The following ATF6 variants were observed in gnomAD, a reference collection of about 807,000 sequenced individuals.
ATF6 encodes the protein cyclic AMP-dependent transcription factor ATF-6 alpha.
In ATF6, 53 loss-of-function variants were observed where a neutral mutation model predicts 83.6. The observed-to-expected ratio is 0.63, with a 90% CI of 0.51 to 0.80. The LOEUF (loss-of-function observed/expected upper bound fraction) is 0.80. Among genes scored for constraint, ATF6 ranks in the 30% least tolerant of loss-of-function variants. ATF6 has a pLI of 0.00. For missense variants in ATF6, 744 were observed against 797.9 expected (o/e 0.93, Z 0.81); for synonymous variants, 288 against 285.8 (o/e 1.01, Z -0.08).
At chr1:161,815,274 C>T (rs1279085532) in intron 7 of ATF6, among the ~76,000 whole-genome samples, 1 of 149,330 alleles carries the variant, frequency 6.7e-6, no homozygotes, top group Non-Finnish European at 1.5e-5. Context: ...TCACTGCAGC[C>T]TCAACCTCCT....
chr1:161,930,236 C>T (rs1299817955), intron 15 of ATF6, among the ~76,000 whole-genome samples: 2 of 152,208 alleles, frequency 1.3e-5, no homozygotes, highest in Non-Finnish European at 2.9e-5. Context: ...ATCTCCACCT[C>T]CCACTTAGTT....
chr1:161,859,267 C>T (rs1318053057), intron 12 of ATF6, among the ~76,000 whole-genome samples: 3 of 152,164 alleles, frequency 2.0e-5, no homozygotes, highest in African/African-American at 7.2e-5. Flanking sequence ...CATATTGGTT[C>T]CATCCACCAA....
At chr1:161,807,278 A>G (rs1685310889) in intron 7 of ATF6, among the ~76,000 whole-genome samples, 1 of 152,214 alleles carries the variant, frequency 6.6e-6, no homozygotes, top group Non-Finnish European at 1.5e-5. Context: ...CCTATGTTCT[A>G]TTTCAGAAAA....
chr1:161,904,796 C>T (rs901341466), intron 14 of ATF6, among the ~76,000 whole-genome samples: 1 of 152,130 alleles, frequency 6.6e-6, no homozygotes, highest in African/African-American at 2.4e-5. Context: ...CCATCTTTAA[C>T]TAGGATTGCA....
chr1:161,805,058 C>T (rs902591685), intron 7 of ATF6, among the ~76,000 whole-genome samples: 2 of 152,100 alleles, frequency 1.3e-5, no homozygotes, highest in Non-Finnish European at 2.9e-5. Context: ...TATGTTTTCT[C>T]ATCTCACACA....
At chr1:161,786,242 C>T (rs1167017319) in intron 4 of ATF6, among the ~76,000 whole-genome samples, 2 of 152,250 alleles carry the variant, frequency 1.3e-5, no homozygotes, top group East Asian at 1.9e-4. Context: ...GCCTCGGCCC[C>T]CCAAAGTGCT....
chr1:161,843,492 AG>A (rs746093156), intron 9 of ATF6, among the ~76,000 whole-genome samples: 7 of 152,180 alleles, frequency 4.6e-5, no homozygotes, highest in Non-Finnish European at 1.0e-4. Context: ...AACATAGTGC[AG>A]TGATGGAATT....
At chr1:161,929,854 G>C (rs551326535) in intron 15 of ATF6, among the ~76,000 whole-genome samples, 29 of 152,322 alleles carry the variant, frequency 1.9e-4, no homozygotes, top group Admixed American at 1.7e-3. Context: ...AAAGAATGTA[G>C]CCTCTACTTG....
chr1:161,846,500 T>TCAAAGGAGGCACCTTCTAGG lies in ATF6; in HGVS notation c.1240_1259dup (p.Phe421LysfsTer6). On this transcript the variant is annotated frameshift_variant, in exon 10 of 16. Transcript: ENST00000367942. LOFTEE classifies it high-confidence loss of function. Reference sequence around the variant, plus strand: ...TGAACCCTAGTGTGAGCCCTGCAAATCAAAGGAGGCACCTTCTAGGATTTT... The same window carrying TCAAAGGAGGCACCTTCTAGG: ...TGAACCCTAGTGTGAGCCCTGCAAATCAAAGGAGGCACCTTCTAGGCAAAGGAGGCACCTTCTAGGATTTT... 1.2e-6 allele frequency: 2 copies of TCAAAGGAGGCACCTTCTAGG among 1,611,304 alleles called. No individual in the cohort carries two copies. The highest frequency in any genetic ancestry group is 1.7e-6 in the Non-Finnish European group (2 of 1,178,364).
chr1:161,769,130 A>T (rs1002441010), intron 1 of ATF6, among the ~76,000 whole-genome samples: 5 of 152,230 alleles, frequency 3.3e-5, no homozygotes, highest in Non-Finnish European at 7.3e-5. Context: ...CAACTACTCA[A>T]GTCTGCTGTG....
Position 161,784,032 on chromosome 1 carries a change from C to T in ATF6, c.290C>T (p.Ser97Phe). The T allele has an allele frequency of 1.2e-6, 2 of 1,613,904 alleles. No homozygotes were observed. The highest frequency in any genetic ancestry group is 1.7e-6 in the Non-Finnish European group (2 of 1,179,856). The change falls in exon 4 of 16, where the codon TCC (serine) becomes TTC (phenylalanine). Residue 97 changes from serine (S) to phenylalanine (F), a missense_variant. Transcript: ENST00000367942. ...KAEPQPLSPA[S>F]SSYSVSSPRS... ...GAACCTCAGCCACTTTCTCCAGCCT[C>T]CTCAAGTTATTCAGTCTCGTCTCCT...
intron 12 of ATF6, among the ~76,000 whole-genome samples, chr1:161,855,976 T>G (rs2101831241): frequency 1.3e-5 from 2 of 152,262 alleles, no homozygotes; most frequent in South Asian, 4.1e-4. Context: ...TCCCTATACA[T>G]GGGAATAGAG....
At chr1:161,803,331 A>G (rs1437109484) in intron 7 of ATF6, among the ~76,000 whole-genome samples, 1 of 152,240 alleles carries the variant, frequency 6.6e-6, no homozygotes, top group Non-Finnish European at 1.5e-5. Flanking sequence ...TAGAACATCC[A>G]GTTTCTAGAA....
intron 12 of ATF6, among the ~76,000 whole-genome samples, chr1:161,854,719 A>G (rs1571192357): frequency 6.6e-6 from 1 of 152,160 alleles, no homozygotes; most frequent in East Asian, 1.9e-4. Flanking sequence ...AAAAATACAA[A>G]AAGTTAGCCA....
chr1:161,860,642 G>C lies in ATF6; in HGVS notation c.1604+365G>C, dbSNP rs182213502. Among the ~76,000 whole-genome samples the C allele has an allele frequency of 2.0e-3, 301 of 151,946 alleles. 1 individual carries two copies. Among genetic ancestry groups the C allele is most frequent in the African/African-American group, 7.0e-3 (292 of 41,486 alleles). ...GTTATTTTTTGAGTGCTCTGTACCAGGTGTCCTGCTGAGTGTTTTACATGT... is the reference window on the plus strand; with the variant it reads ...GTTATTTTTTGAGTGCTCTGTACCACGTGTCCTGCTGAGTGTTTTACATGT... On this transcript the variant is annotated intron_variant, in intron 13 of 15. Transcript: ENST00000367942.
intron 3 of ATF6, among the ~76,000 whole-genome samples, chr1:161,782,991 G>A (rs1684671620): frequency 1.3e-5 from 2 of 152,176 alleles, no homozygotes; most frequent in South Asian, 4.1e-4. Flanking sequence ...TTGGGGGCTA[G>A]AATCATCTTG....
chr1:161,876,217 A>G (rs1328417843), intron 14 of ATF6, among the ~76,000 whole-genome samples: 1 of 151,982 alleles, frequency 6.6e-6, no homozygotes, highest in East Asian at 1.9e-4. Flanking sequence ...TCTAAGCAAA[A>G]CATAAAGTTT....
chr1:161,784,167 C>A, intron 4 of ATF6, 71 bp downstream of exon 4: 1 of 1,068,248 alleles, frequency 9.4e-7, no homozygotes, highest in Non-Finnish European at 1.4e-6. Flanking sequence ...ATGGAGGAGG[C>A]AGTTAACATT....
intron 15 of ATF6, among the ~76,000 whole-genome samples, chr1:161,920,637 G>A (rs1037044702): frequency 6.6e-6 from 1 of 151,564 alleles, no homozygotes; most frequent in African/African-American, 2.4e-5. Flanking sequence ...GAAGTCCACA[G>A]CAAAGAATCA....
Sources: gnomAD v4.1 joint callset for allele counts (sites outside exome capture counted in the v4.1 genomes callset) on GRCh38, gnomAD v4.1.1 for gene constraint, MANE v1.5 for transcripts, NCBI Gene and HGNC (gene_info 2026-07-23, HGNC 2026-07-21) for gene names.